MGAT4C: variants seen among roughly 807,000 people sequenced by gnomAD.
MGAT4C encodes the protein alpha-1,3-mannosyl-glycoprotein 4-beta-N-acetylglucosaminyltransferase C.
A neutral mutation model predicts 40.1 loss-of-function variants in MGAT4C; 19 were observed. That is an observed-to-expected ratio of 0.47 (90% CI 0.33 to 0.70). The LOEUF (loss-of-function observed/expected upper bound fraction) is 0.70. Among genes scored for constraint, MGAT4C ranks in the 30% least tolerant of loss-of-function variants. The pLI is 0.02. For missense variants in MGAT4C, 491 were observed against 563.2 expected (o/e 0.87, Z 1.30); for synonymous variants, 181 against 187.1 (o/e 0.97, Z 0.27).
rs138354833 is a variant in MGAT4C at position 86,686,921 on chromosome 12, C to T, written c.-229+40288G>A. On this transcript the variant is annotated intron_variant, in intron 2 of 7. Transcript: ENST00000548651. ...TTTCAGAAGGATGGTACCAGCTCCT[C>T]TTTGTACCTCTGGTAGAATTTGGCT... is the stretch of plus-strand genomic sequence containing the variant. Among the ~76,000 whole-genome samples, 56 of 152,328 alleles carry T rather than the reference C, an allele frequency of 3.7e-4. No individual in the cohort carries two copies. In the East Asian group the frequency reaches 0.01, roughly 28 times the overall value.
At chr12:86,300,842 A>AT (rs1310841619) in intron 4 of MGAT4C, among the ~76,000 whole-genome samples, 1 of 152,140 alleles carries the variant, frequency 6.6e-6, no homozygotes, top group Admixed American at 6.5e-5. Context: ...CTACTGAGAG[A>AT]TAAAAAGTTA....
intron 2 of MGAT4C, among the ~76,000 whole-genome samples, chr12:86,644,765 T>G (rs1481086944): frequency 6.6e-6 from 1 of 151,732 alleles, no homozygotes; most frequent in Non-Finnish European, 1.5e-5. Flanking sequence ...TTTAATTTTA[T>G]CTATATAATG....
intron 2 of MGAT4C, among the ~76,000 whole-genome samples, chr12:86,461,058 T>A (rs1208766339): frequency 6.6e-6 from 1 of 152,104 alleles, no homozygotes; most frequent in Non-Finnish European, 1.5e-5. Flanking sequence ...CCTTTTCATG[T>A]TATAACTCTC....
chr12:86,700,758 A>AT (rs1474505598), intron 2 of MGAT4C, among the ~76,000 whole-genome samples: 2 of 152,104 alleles, frequency 1.3e-5, no homozygotes, highest in Non-Finnish European at 1.5e-5. Context: ...TCTTGCAAAT[A>AT]TTTTTATTTA....
At chr12:86,508,011 T>A (rs1453520264) in intron 2 of MGAT4C, among the ~76,000 whole-genome samples, 9 of 152,092 alleles carry the variant, frequency 5.9e-5, no homozygotes, top group East Asian at 3.9e-4. Flanking sequence ...ATGGACATTT[T>A]AAAAATATTA....
chr12:86,192,477 C>T (rs2452814), intron 1 of MGAT4C, among the ~76,000 whole-genome samples: 100,485 of 151,840 alleles, frequency 0.66, 33,672 homozygotes, highest in South Asian at 0.75. Flanking sequence ...AACTTTGAGA[C>T]GCCTTGCAAG....
chr12:86,736,567 C>G (rs973407765), intron 1 of MGAT4C, among the ~76,000 whole-genome samples: 4 of 151,744 alleles, frequency 2.6e-5, no homozygotes, highest in African/African-American at 9.7e-5. Context: ...CACCAGTGAA[C>G]GAGCCTGGAG....
At chr12:86,641,674 G>C (rs527599282) in intron 2 of MGAT4C, among the ~76,000 whole-genome samples, 1 of 151,884 alleles carries the variant, frequency 6.6e-6, no homozygotes, top group Non-Finnish European at 1.5e-5. Context: ...TTACTGCAGA[G>C]ATATATAGGC....
intron 2 of MGAT4C, among the ~76,000 whole-genome samples, chr12:86,004,033 T>C (rs1887623889): frequency 6.6e-6 from 1 of 152,202 alleles, no homozygotes; most frequent in South Asian, 2.1e-4. Flanking sequence ...TTTTACAGTG[T>C]TGCCTTTTCA....
At chr12:86,075,389 G>T (rs1869491871) in intron 1 of MGAT4C, among the ~76,000 whole-genome samples, 1 of 152,226 alleles carries the variant, frequency 6.6e-6, no homozygotes, top group Non-Finnish European at 1.5e-5. Flanking sequence ...TCTTTGCAGG[G>T]TACAGCCTCC....
intron 2 of MGAT4C, among the ~76,000 whole-genome samples, chr12:86,475,037 T>C (rs1304498587): frequency 6.6e-6 from 1 of 152,118 alleles, no homozygotes; most frequent in Non-Finnish European, 1.5e-5. Flanking sequence ...ATATGCATTA[T>C]AAAAATAGTA....
chr12:86,142,709 C>CTTTTTTTTTTTTTTT, intron 1 of MGAT4C, among the ~76,000 whole-genome samples: 1 of 140,166 alleles, frequency 7.1e-6, no homozygotes, highest in Non-Finnish European at 1.6e-5. Context: ...GTGGTCCATT[C>CTTTTTTTTTTTTTTT]TTTTTTTTTT....
In MGAT4C at chr12:86,191,751, GGTGT is replaced by G. The variant is rs570173863; in HGVS notation, c.-57+64484_-57+64487del. Among the ~76,000 whole-genome samples the G allele has an allele frequency of 3.0e-3, 294 of 98,564 alleles. 2 individuals are homozygous for G. Among genetic ancestry groups the G allele is most frequent in the Middle Eastern group, 0.013 (2 of 152 alleles). The allele number at this position is 98,564 out of a possible 152,430, so 64.7% of individuals were successfully genotyped here. A position where few individuals can be genotyped will look rare whatever the true frequency, so the allele number is the denominator to read the frequency against. On this transcript the variant is annotated intron_variant, in intron 1 of 4. Coordinates refer to ENST00000611864, the MANE Select transcript of MGAT4C (RefSeq NM_001351288.2). ...GGTTAAGTTTGCTACAGGAGATAAA[GGTGT>G]GTGTGTGTGTGTGTGTGTGTGTGTG...
intron 2 of MGAT4C, among the ~76,000 whole-genome samples, chr12:86,511,938 A>T (rs573983172): frequency 7.2e-5 from 11 of 152,178 alleles, no homozygotes; most frequent in Non-Finnish European, 1.6e-4. Flanking sequence ...AAAGGAAACA[A>T]TTAATAGATT....
At chr12:86,654,572 T>A (rs10776992) in intron 2 of MGAT4C, among the ~76,000 whole-genome samples, 117,496 of 151,868 alleles carry the variant, frequency 0.77, 46,938 homozygotes, top group Middle Eastern at 0.88. Context: ...TTCAAGTTAG[T>A]GTGTTTAATA....
intron 2 of MGAT4C, among the ~76,000 whole-genome samples, chr12:86,450,797 G>A (rs923123757): frequency 2.0e-5 from 3 of 151,280 alleles, no homozygotes; most frequent in Admixed American, 6.6e-5. Context: ...GACTATACAC[G>A]TAATACATAT....
At chr12:86,427,411 C>A (rs1016348068) in intron 3 of MGAT4C, among the ~76,000 whole-genome samples, 3 of 151,670 alleles carry the variant, frequency 2.0e-5, no homozygotes, top group Non-Finnish European at 4.4e-5. Flanking sequence ...TACTTTTTAT[C>A]TTTTCAAAAG....
chr12:86,689,556 T>G (rs1405364512), intron 2 of MGAT4C, among the ~76,000 whole-genome samples: 4 of 152,226 alleles, frequency 2.6e-5, no homozygotes, highest in Non-Finnish European at 5.9e-5. Flanking sequence ...GTTTTCCTTC[T>G]AACAGTCAGG....
chr12:86,054,329 T>C (rs1278036025), intron 1 of MGAT4C, among the ~76,000 whole-genome samples: 5 of 152,026 alleles, frequency 3.3e-5, no homozygotes. Flanking sequence ...AAGAGACAGA[T>C]ATCACATGTT....
Sources: gnomAD v4.1 joint callset for allele counts (sites outside exome capture counted in the v4.1 genomes callset) on GRCh38, gnomAD v4.1.1 for gene constraint, MANE v1.5 for transcripts, NCBI Gene and HGNC (gene_info 2026-07-23, HGNC 2026-07-21) for gene names.